VDAC2: variants seen among roughly 807,000 people sequenced by gnomAD.
The protein encoded by VDAC2 is non-selective voltage-gated ion channel VDAC2.
VDAC2 carries 6 observed loss-of-function variants against 36.6 expected under a neutral mutation model. The observed-to-expected ratio is 0.16, with a 90% CI of 0.09 to 0.32. VDAC2 has a LOEUF of 0.32. Ranked by LOEUF, VDAC2 falls within the 10% of genes least tolerant of loss-of-function variation. VDAC2 has a pLI of 1.00. For synonymous variants in VDAC2, 109 were observed against 123.8 expected, an observed-to-expected ratio of 0.88 and a Z score of 0.79; for missense variants, 247 against 346.0, an observed-to-expected ratio of 0.71 and a Z score of 2.27.
At chr10:75,216,250 T>A (rs1841601864) in intron 4 of VDAC2, among the ~76,000 whole-genome samples, 1 of 152,206 alleles carries the variant, frequency 6.6e-6, no homozygotes, top group African/African-American at 2.4e-5. Flanking sequence ...ATTCAGTCCT[T>A]GTGTTTAAAA....
chr10:75,212,749 AAAT>A (rs1295447799), intron 3 of VDAC2, among the ~76,000 whole-genome samples: 2 of 152,164 alleles, frequency 1.3e-5, no homozygotes, highest in African/African-American at 4.8e-5. Flanking sequence ...ACTTATGTGA[AAAT>A]AGTTCTTTTA....
intron 8 of VDAC2, among the ~76,000 whole-genome samples, chr10:75,223,875 G>A (rs1037295295): frequency 6.6e-6 from 1 of 152,170 alleles, no homozygotes; most frequent in Non-Finnish European, 1.5e-5. Context: ...ACAGAGGTCA[G>A]TGAGCTAGGT....
rs773840250 is a variant in VDAC2 at position 75,230,968 on chromosome 10, C to T, written c.864C>T (p.Leu288=). ...ATGCTGGAGGCCACAAGGTTGGGCTCGCCCTGGAGTTGGAGGCTTAATCCA... is the reference window on the plus strand; with the variant it reads ...ATGCTGGAGGCCACAAGGTTGGGCTTGCCCTGGAGTTGGAGGCTTAATCCA... The part of the protein sequence containing the change: ...SINAGGHKVG[L]ALELEA The change falls in exon 10 of 10, where the codon CTC becomes CTT. Residue 288 remains leucine, a synonymous_variant. Coordinates refer to ENST00000332211, the MANE Select transcript of VDAC2 (RefSeq NM_001391963.1). 9.3e-6 allele frequency: 15 copies of T among 1,612,568 alleles called. 1 individual carries two copies. Among genetic ancestry groups the T allele is most frequent in the Admixed American group, 3.3e-5 (2 of 59,978 alleles).
chr10:75,211,067 CT>C (rs1316725923), intron 1 of VDAC2, 66 bp from the exon 2 acceptor site: 1 of 1,450,444 alleles, frequency 6.9e-7, no homozygotes. Context: ...CCCCTCGCCC[CT>C]CTCTGCCCGG....
At chr10:75,217,592 G>A (rs1342133557) in intron 4 of VDAC2, among the ~76,000 whole-genome samples, 1 of 152,068 alleles carries the variant, frequency 6.6e-6, no homozygotes, top group Non-Finnish European at 1.5e-5. Flanking sequence ...TGGCTAGGCT[G>A]GTCTCAAACT....
chr10:75,229,413 T>A (rs1457385612), intron 8 of VDAC2: 1 of 370,052 alleles, frequency 2.7e-6, no homozygotes, highest in Non-Finnish European at 4.9e-6. Context: ...GGTCTTTGGA[T>A]ACATTCCAGT....
intron 3 of VDAC2, 137 bp downstream of exon 3, chr10:75,212,435 C>T (rs1841454009): frequency 2.5e-6 from 2 of 800,604 alleles, no homozygotes; most frequent in African/African-American, 1.7e-5. Flanking sequence ...TTTTTTGAGA[C>T]AGGGTCTCCC....
intron 3 of VDAC2, 107 bp from the exon 4 acceptor site, chr10:75,213,914 C>T (rs1841514982): frequency 6.4e-6 from 7 of 1,092,306 alleles, no homozygotes; most frequent in Non-Finnish European, 9.6e-6. Flanking sequence ...TTTTTATCCA[C>T]CTCTGAATAT....
At position 75,221,193 on chromosome 10, in the gene VDAC2, A is replaced by G. The variant is rs1336724677; in HGVS notation, c.584+223A>G. ...TAAATGTTCATTTTATATGGGGTTT[A>G]ATGTGCTTTGTATTTTTACAAGAGG... On this transcript the variant is annotated intron_variant, in intron 7 of 9. Coordinates refer to ENST00000332211, the MANE Select transcript of VDAC2 (RefSeq NM_001391963.1). 2.6e-5 allele frequency among the ~76,000 whole-genome samples: 4 copies of G among 152,178 alleles called. No individual in the cohort carries two copies. In the South Asian group the frequency reaches 6.2e-4, roughly 24 times the overall value.
chr10:75,229,728 G>A, intron 9 of VDAC2, 27 bp downstream of exon 9: 1 of 1,546,966 alleles, frequency 6.5e-7, no homozygotes, highest in Non-Finnish European at 8.7e-7. Context: ...AAGTAGGATT[G>A]TTTTGATAGT....
chr10:75,214,452 A>G (rs984592796), intron 4 of VDAC2, among the ~76,000 whole-genome samples: 18 of 152,338 alleles, frequency 1.2e-4, no homozygotes, highest in Middle Eastern at 3.4e-3. Context: ...AATCATTTAT[A>G]TAATGTCCAT....
intron 7 of VDAC2, 144 bp from the exon 8 acceptor site, chr10:75,222,108 T>A (rs1431207768): frequency 1.3e-5 from 11 of 851,782 alleles, no homozygotes; most frequent in Non-Finnish European, 1.8e-5. Flanking sequence ...AAAAAACCTG[T>A]TAAAACTTGC....
upstream of VDAC2, chr10:75,210,538 C>G (rs961808612): frequency 1.3e-5 from 2 of 152,418 alleles, no homozygotes; most frequent in African/African-American, 4.8e-5. Context: ...CATCCCCCTC[C>G]CAGGCGGTCC....
In VDAC2 at chr10:75,222,307, G is replaced by C. The variant is rs764508405; in HGVS notation, c.640G>C (p.Asp214His). 1 of 1,614,130 alleles carries C rather than the reference G, an allele frequency of 6.2e-7. No individual in the cohort carries two copies. The highest frequency in any genetic ancestry group is 1.7e-5 in the Admixed American group (1 of 60,010). Residue 214 changes from aspartate (D) to histidine (H), a missense_variant, in exon 8 of 10, where the codon GAC becomes CAC. Asp to His is a moderately conservative substitution (Grantham distance 81). Coordinates refer to ENST00000332211, the MANE Select transcript of VDAC2 (RefSeq NM_001391963.1). ...SIYQKVCEDLDTSVNLAWTSG... is the reference protein window; with the variant it reads ...SIYQKVCEDLHTSVNLAWTSG... Reference sequence around the variant, plus strand: ...TTATCAGAAAGTTTGTGAAGATCTTGACACTTCAGTAAACCTTGCTTGGAC... The same window carrying C: ...TTATCAGAAAGTTTGTGAAGATCTTCACACTTCAGTAAACCTTGCTTGGAC...
intron 6 of VDAC2, among the ~76,000 whole-genome samples, chr10:75,220,525 A>T (rs1410655289): frequency 6.6e-6 from 1 of 151,406 alleles, no homozygotes; most frequent in East Asian, 2.2e-4. Flanking sequence ...TTTGTGACTG[A>T]TTGTTTGTTC....
chr10:75,222,468 A>C lies in VDAC2; in HGVS notation c.735+66A>C, dbSNP rs1841841558. 4 of 1,572,628 alleles carry C rather than the reference A, an allele frequency of 2.5e-6. No homozygotes were observed. The South Asian group carries it at 3.5e-5, about 14-fold the overall frequency. On this transcript the variant is annotated intron_variant, in intron 8 of 9. Coordinates refer to ENST00000332211, the MANE Select transcript of VDAC2 (RefSeq NM_001391963.1). Reference sequence around the variant, plus strand: ...GGGAATGAGTCTTTGGGTATACTGAATTATGTTGAAAATTTGAACTGATTT... The same window carrying C: ...GGGAATGAGTCTTTGGGTATACTGACTTATGTTGAAAATTTGAACTGATTT...
chr10:75,224,612 CAAT>C (rs931007851), intron 8 of VDAC2, among the ~76,000 whole-genome samples: 11 of 152,154 alleles, frequency 7.2e-5, no homozygotes, highest in African/African-American at 2.7e-4. Context: ...GAAACGCAAA[CAAT>C]AAGAAACAAA....
chr10:75,217,863 A>G (rs1841654206), intron 4 of VDAC2: 6 of 1,241,848 alleles, frequency 4.8e-6, no homozygotes, highest in Non-Finnish European at 6.3e-6. Flanking sequence ...TATTGATACA[A>G]TTTTTGATAT....
chr10:75,226,351 A>T (rs1281566525), intron 8 of VDAC2, among the ~76,000 whole-genome samples: 1 of 151,404 alleles, frequency 6.6e-6, no homozygotes, highest in African/African-American at 2.4e-5. Context: ...TTCCCAAGTG[A>T]CTAGAGCCGT....
Sources: allele counts gnomAD v4.1 joint callset (sites outside exome capture counted in the v4.1 genomes callset), GRCh38; gene constraint gnomAD v4.1.1; transcripts MANE v1.5; gene names NCBI Gene and HGNC (gene_info 2026-07-23, HGNC 2026-07-21).